Variants in LCLAT1 observed in about 807,000 individuals in gnomAD.
LCLAT1 encodes lysocardiolipin acyltransferase 1, also known as 1-AGP acyltransferase 8.
LCLAT1 carries 11 observed loss-of-function variants against 30.7 expected under a neutral mutation model. That is an observed-to-expected ratio of 0.36 (90% CI 0.23 to 0.59). The LOEUF is 0.59. Ranked by LOEUF, LCLAT1 falls within the 20% of genes least tolerant of loss-of-function variation. The pLI, the probability that LCLAT1 is intolerant of heterozygous loss-of-function variation, is 0.77. For missense variants in LCLAT1, 402 were observed against 458.6 expected, an observed-to-expected ratio of 0.88 and a Z score of 1.13; for synonymous variants, 155 against 151.3, an observed-to-expected ratio of 1.02 and a Z score of -0.18.
chr2:30,452,870 C>T (rs1279093418), intron 1 of LCLAT1, among the ~76,000 whole-genome samples: 1 of 152,006 alleles, frequency 6.6e-6, no homozygotes, highest in Non-Finnish European at 1.5e-5. Flanking sequence ...TTACCTTGTC[C>T]TCTGCTTGTG....
intron 5 of LCLAT1, among the ~76,000 whole-genome samples, chr2:30,609,470 T>G (rs1667627066): frequency 2.0e-5 from 3 of 152,094 alleles, no homozygotes; most frequent in Non-Finnish European, 4.4e-5. Context: ...CTCCATTGAT[T>G]TGTGATGTTA....
At chr2:30,472,691 C>T (rs1190665897) in intron 1 of LCLAT1, among the ~76,000 whole-genome samples, 3 of 152,146 alleles carry the variant, frequency 2.0e-5, no homozygotes, top group Non-Finnish European at 4.4e-5. Flanking sequence ...ATCTTAAAAA[C>T]ATTTTTTTGC....
intron 5 of LCLAT1, among the ~76,000 whole-genome samples, chr2:30,580,221 G>C (rs1449411908): frequency 6.6e-6 from 1 of 152,144 alleles, no homozygotes; most frequent in Non-Finnish European, 1.5e-5. Flanking sequence ...GTGTATGGTT[G>C]TAAATGGTCG....
At chr2:30,530,087 A>G (rs143034172) in intron 2 of LCLAT1, among the ~76,000 whole-genome samples, 2 of 152,336 alleles carry the variant, frequency 1.3e-5, no homozygotes, top group African/African-American at 2.4e-5. Context: ...AAATGCTTCC[A>G]TATTTCTGTT....
chr2:30,449,983 TA>T (rs1177699652), intron 1 of LCLAT1, among the ~76,000 whole-genome samples: 2 of 152,148 alleles, frequency 1.3e-5, no homozygotes, highest in African/African-American at 4.8e-5. Context: ...ATAGGATGAG[TA>T]AAAGTGGCTA....
At chr2:30,592,544 A>C (rs972647451) in intron 5 of LCLAT1, among the ~76,000 whole-genome samples, 2 of 152,228 alleles carry the variant, frequency 1.3e-5, no homozygotes, top group African/African-American at 4.8e-5. Flanking sequence ...TTCTCGATTG[A>C]AAATGAATTA....
At chr2:30,522,357 G>T (rs1218768323) in intron 1 of LCLAT1, among the ~76,000 whole-genome samples, 1 of 152,002 alleles carries the variant, frequency 6.6e-6, no homozygotes, top group Non-Finnish European at 1.5e-5. Flanking sequence ...TCCTGGTATT[G>T]TCAGTGGTTT....
chr2:30,583,799 G>A (rs562547130), intron 5 of LCLAT1, among the ~76,000 whole-genome samples: 2 of 152,158 alleles, frequency 1.3e-5, no homozygotes, highest in East Asian at 1.9e-4. Context: ...ATTATATGTG[G>A]TGTTTGTGTA....
chr2:30,608,947 G>C (rs903798971), intron 5 of LCLAT1, among the ~76,000 whole-genome samples: 1 of 152,116 alleles, frequency 6.6e-6, no homozygotes, highest in Non-Finnish European at 1.5e-5. Context: ...AAGGGTGCCT[G>C]TTTCCTCTCA....
intron 5 of LCLAT1, chr2:30,606,116 C>T (rs991522122): frequency 1.1e-6 from 1 of 945,168 alleles, no homozygotes; most frequent in Non-Finnish European, 1.5e-6. Context: ...AAAAACACTC[C>T]ATGCTCATGG....
chr2:30,467,274 C>A (rs1477650468), intron 1 of LCLAT1, among the ~76,000 whole-genome samples: 2 of 152,092 alleles, frequency 1.3e-5, no homozygotes, highest in South Asian at 2.1e-4. Flanking sequence ...TGAACTCATC[C>A]TTTTTTATGG....
chr2:30,525,749 A>G lies in LCLAT1; in HGVS notation c.159A>G (p.Leu53=), dbSNP rs1257536846. 1 of 1,613,798 alleles carries G rather than the reference A, an allele frequency of 6.2e-7. No homozygotes were observed. The highest frequency in any genetic ancestry group is 1.7e-5 in the Admixed American group (1 of 59,990). Residue 53 remains leucine (L), a synonymous_variant, in exon 2 of 6, where the codon CTA becomes CTG. Coordinates refer to ENST00000379509, the MANE Select transcript of LCLAT1 (RefSeq NM_001002257.3). The part of the protein sequence containing the change: ...NNRLVATWLT[L]PVALLETMFG... The stretch of plus-strand genomic sequence containing the variant: ...GCCTTGTGGCAACATGGCTCACCCT[A>G]CCTGTGGTAAGTTACACACCAGAGG...
chr2:30,571,746 A>T (rs1665789573), intron 5 of LCLAT1, among the ~76,000 whole-genome samples: 1 of 152,192 alleles, frequency 6.6e-6, no homozygotes, highest in Admixed American at 6.5e-5. Flanking sequence ...ACAGCCTTTT[A>T]TTGCTGGAAA....
chr2:30,617,981 G>T (rs138246190), intron 5 of LCLAT1, among the ~76,000 whole-genome samples: 49 of 152,218 alleles, frequency 3.2e-4, no homozygotes, highest in African/African-American at 1.1e-3. Context: ...AAGAGTAGAT[G>T]TGTTTAATTT....
At chr2:30,542,751 G>A (rs1269767078) in intron 3 of LCLAT1, among the ~76,000 whole-genome samples, 1 of 152,004 alleles carries the variant, frequency 6.6e-6, no homozygotes, top group Non-Finnish European at 1.5e-5. Context: ...ATTTTTGATT[G>A]ATGCTATTTT....
At chr2:30,561,624 CCTTTT>C (rs775946064) in intron 3 of LCLAT1, among the ~76,000 whole-genome samples, 12 of 152,186 alleles carry the variant, frequency 7.9e-5, no homozygotes, top group South Asian at 4.2e-4. Flanking sequence ...GCACAATTTC[CCTTTT>C]CTTTTCAATG....
intron 2 of LCLAT1, among the ~76,000 whole-genome samples, chr2:30,527,942 G>T (rs1223521878): frequency 6.6e-6 from 1 of 152,142 alleles, no homozygotes; most frequent in Admixed American, 6.5e-5. Context: ...GTCCAGGCTG[G>T]CAAGGTCCCT....
intron 5 of LCLAT1, among the ~76,000 whole-genome samples, chr2:30,639,289 C>G (rs1004053667): frequency 3.3e-5 from 5 of 152,178 alleles, no homozygotes; most frequent in African/African-American, 1.2e-4. Context: ...TTTATGCATG[C>G]CTGCCTCCCC....
intron 1 of LCLAT1, among the ~76,000 whole-genome samples, chr2:30,516,237 G>T (rs1558489603): frequency 6.6e-6 from 1 of 152,054 alleles, no homozygotes; most frequent in Non-Finnish European, 1.5e-5. Flanking sequence ...CCATTGTATG[G>T]GAGCTTTGTT....
Sources: gnomAD v4.1 joint callset for allele counts (sites outside exome capture counted in the v4.1 genomes callset) on GRCh38, gnomAD v4.1.1 for gene constraint, MANE v1.5 for transcripts, NCBI Gene and HGNC (gene_info 2026-07-23, HGNC 2026-07-21) for gene names.